The following RYR3 variants were observed in gnomAD, a reference collection of about 807,000 sequenced individuals.
RYR3 encodes the protein ryanodine receptor 3.
A neutral mutation model predicts 584.3 loss-of-function variants in RYR3; 207 were observed. The ratio of observed to expected loss-of-function variants is 0.35; its 90% CI spans 0.32 to 0.40. The LOEUF (loss-of-function observed/expected upper bound fraction) is 0.40. Ranked by LOEUF, RYR3 falls within the 10% of genes least tolerant of loss-of-function variation. The probability of loss-of-function intolerance (pLI) is 1.00; values close to 1 mark genes in which losing one functional copy is unlikely to be tolerated. For missense variants in RYR3, 5,616 were observed against 6,089.2 expected (o/e 0.92, Z 2.59); for synonymous variants, 2,416 against 2,248.5 (o/e 1.07, Z -2.11).
intron 87 of RYR3, among the ~76,000 whole-genome samples, chr15:33,835,807 G>A (rs2078007226): frequency 6.6e-6 from 1 of 152,228 alleles, no homozygotes; most frequent in Non-Finnish European, 1.5e-5. Context: ...TGGGAGGGCT[G>A]CAATTTGACA....
rs115013365 is a variant in RYR3 at position 33,702,839 on chromosome 15, A to T, written c.6483+1759A>T. Among the ~76,000 whole-genome samples the T allele has an allele frequency of 2.4e-3, 363 of 152,290 alleles. 1 individual carries two copies. Among genetic ancestry groups the T allele is most frequent in the African/African-American group, 8.5e-3 (353 of 41,556 alleles). ...AACAGGAAGAGGAGCAGCCAAAAGG[A>T]TGAGAAAACCCAGCAAATCTAGTAT... On this transcript the variant is annotated intron_variant, in intron 42 of 103. Transcript: ENST00000634891.
At chr15:33,621,360 A>G (rs1399887304) in intron 19 of RYR3, among the ~76,000 whole-genome samples, 1 of 152,156 alleles carries the variant, frequency 6.6e-6, no homozygotes, top group African/African-American at 2.4e-5. Flanking sequence ...AATTTCCCAC[A>G]CTAATTCTTT....
At chr15:33,624,170 C>T (rs2060865308) in intron 20 of RYR3, 147 bp downstream of exon 20, 2 of 648,576 alleles carry the variant, frequency 3.1e-6, no homozygotes, top group Middle Eastern at 4.3e-4. Flanking sequence ...CTCACATTTT[C>T]ACCATGTGTG....
intron 2 of RYR3, among the ~76,000 whole-genome samples, chr15:33,473,833 C>T (rs2049144145): frequency 6.6e-6 from 1 of 152,158 alleles, no homozygotes. Flanking sequence ...TTAATACTCC[C>T]AGAATGCCTT....
intron 70 of RYR3, 109 bp from the exon 71 acceptor site, chr15:33,810,370 C>T: frequency 1.9e-6 from 2 of 1,057,156 alleles, no homozygotes; most frequent in South Asian, 1.5e-5. Context: ...GTAGTAAGGC[C>T]CACCCTATAC....
At chr15:33,493,671 G>A (rs759612120) in intron 2 of RYR3, among the ~76,000 whole-genome samples, 1 of 152,192 alleles carries the variant, frequency 6.6e-6, no homozygotes, top group Non-Finnish European at 1.5e-5. Flanking sequence ...ACTGGAATAT[G>A]AAATTTTGCC....
chr15:33,793,919 A>ACT (rs1340601793), intron 67 of RYR3, among the ~76,000 whole-genome samples: 1 of 78,166 alleles, frequency 1.3e-5, no homozygotes, highest in African/African-American at 3.8e-5. Context: ...ACACACACAC[A>ACT]CACTCTATAT....
intron 67 of RYR3, among the ~76,000 whole-genome samples, 199 bp downstream of exon 67, chr15:33,788,657 A>G (rs1228507959): frequency 2.6e-5 from 4 of 152,148 alleles, no homozygotes; most frequent in Non-Finnish European, 5.9e-5. Flanking sequence ...ATGATTCTGT[A>G]TGGTCTGTGA....
In RYR3 at chr15:33,713,348, A is replaced by G. The variant is rs114756820; in HGVS notation, c.6619+6294A>G. 6.1e-3 allele frequency among the ~76,000 whole-genome samples: 930 copies of G among 151,852 alleles called. 7 individuals carry two copies. Among genetic ancestry groups the G allele is most frequent in the African/African-American group, 0.021 (869 of 41,390 alleles). ...AATATGATAGTTGGTCAGTGGTTAT[A>G]GTGAGTTGTAGGGTGACTGAGGTGG... On this transcript the variant is annotated intron_variant, in intron 43 of 103. Transcript: ENST00000634891.
chr15:33,781,197 G>C (rs1347079628), intron 65 of RYR3, among the ~76,000 whole-genome samples: 1 of 152,204 alleles, frequency 6.6e-6, no homozygotes, highest in Non-Finnish European at 1.5e-5. Flanking sequence ...TCCTGCCTAA[G>C]GATAAGGGAA....
At chr15:33,536,371 C>G (rs1183474390) in intron 5 of RYR3, among the ~76,000 whole-genome samples, 2 of 152,140 alleles carry the variant, frequency 1.3e-5, no homozygotes, top group African/African-American at 2.4e-5. Flanking sequence ...ATTACTTATT[C>G]TGGTCTCCTT....
intron 51 of RYR3, among the ~76,000 whole-genome samples, chr15:33,740,788 A>G (rs1032006906): frequency 6.6e-6 from 1 of 152,242 alleles, no homozygotes. Flanking sequence ...TAGTTCTCAA[A>G]TGAAAGCCTG....
At chr15:33,327,238 T>C (rs1160560342) in intron 1 of RYR3, among the ~76,000 whole-genome samples, 1 of 152,218 alleles carries the variant, frequency 6.6e-6, no homozygotes, top group African/African-American at 2.4e-5. Flanking sequence ...TATAGTCTTA[T>C]TAAAGGTGTT....
intron 8 of RYR3, among the ~76,000 whole-genome samples, chr15:33,544,085 A>G (rs2056047958): frequency 6.6e-6 from 1 of 152,182 alleles, no homozygotes; most frequent in Admixed American, 6.5e-5. Flanking sequence ...ATAGCATTAG[A>G]GAAACTGATG....
chr15:33,660,334 G>A lies in RYR3; in HGVS notation c.4533G>A (p.Glu1511=). The A allele has an allele frequency of 6.3e-7, 1 of 1,591,756 alleles. No individual in the cohort carries two copies. Among genetic ancestry groups the A allele is most frequent in the Non-Finnish European group, 8.6e-7 (1 of 1,169,496 alleles). ...SRMPNSFLKV[E]TERVSERHGW... is the part of the protein sequence containing the mutation. ...TGCCCAACAGCTTCCTGAAGGTGGAGACCGAGCGTGTGAGCGAGCGCCACG... is the reference window on the plus strand; with the variant it reads ...TGCCCAACAGCTTCCTGAAGGTGGAAACCGAGCGTGTGAGCGAGCGCCACG... Residue 1511 remains glutamate, a synonymous_variant, in exon 34 of 104, where the codon GAG becomes GAA. Transcript: ENST00000634891.
At chr15:33,408,475 T>C (rs1388841145) in intron 1 of RYR3, among the ~76,000 whole-genome samples, 1 of 152,226 alleles carries the variant, frequency 6.6e-6, no homozygotes. Flanking sequence ...TCAATGATTG[T>C]GTCTTTTTAT....
intron 102 of RYR3, among the ~76,000 whole-genome samples, chr15:33,862,558 A>T (rs1205039582): frequency 6.6e-6 from 1 of 152,190 alleles, no homozygotes; most frequent in African/African-American, 2.4e-5. Flanking sequence ...AGGCATTGTC[A>T]GAAGTGGCAA....
chr15:33,415,695 ATAATT>A (rs71993627), intron 1 of RYR3, among the ~76,000 whole-genome samples: 2,418 of 152,262 alleles, frequency 0.016, 68 homozygotes, highest in African/African-American at 0.054. Context: ...TTTACAAGAC[ATAATT>A]TATTTCCTTT....
Position 33,397,486 on chromosome 15 carries a change from A to G in RYR3, c.52-75933A>G, listed in dbSNP as rs911771516. ...ACAAAATCTGTGTAAACTGGCATAG[A>G]CCAGTGCATGGTCAGTGGTCTCTTT... is the stretch of plus-strand genomic sequence containing the variant. On this transcript the variant is annotated intron_variant, in intron 1 of 103. Coordinates refer to ENST00000634891, the MANE Select transcript of RYR3 (RefSeq NM_001036.6). Among the ~76,000 whole-genome samples, 5 of 152,320 alleles carry G rather than the reference A, an allele frequency of 3.3e-5. No homozygotes were observed. In the East Asian group the frequency reaches 9.7e-4, roughly 29 times the overall value.
Sources: allele counts gnomAD v4.1 joint callset (sites outside exome capture counted in the v4.1 genomes callset), GRCh38; gene constraint gnomAD v4.1.1; transcripts MANE v1.5; gene names NCBI Gene and HGNC (gene_info 2026-07-23, HGNC 2026-07-21).